The following PLS1 variants were observed in gnomAD, a reference collection of about 807,000 sequenced individuals.
PLS1 encodes plastin-1.
A neutral mutation model predicts 73.7 loss-of-function variants in PLS1; 32 were observed. That is an observed-to-expected ratio of 0.43 (90% confidence interval 0.33 to 0.58). The LOEUF is 0.58. Ranked by LOEUF, PLS1 falls within the 20% of genes least tolerant of loss-of-function variation. PLS1 has a pLI of 0.04. For missense variants in PLS1, 633 were observed against 740.5 expected, an observed-to-expected ratio of 0.85 and a Z score of 1.68; for synonymous variants, 217 against 261.3, an observed-to-expected ratio of 0.83 and a Z score of 1.63.
chr3:142,708,616 G>A (rs1323328352), intron 14 of PLS1, among the ~76,000 whole-genome samples: 2 of 152,038 alleles, frequency 1.3e-5, no homozygotes, highest in Admixed American at 1.3e-4. Flanking sequence ...ATCAAATAGA[G>A]GGAAAAATCA....
intron 7 of PLS1, 31 bp from the exon 8 acceptor site, chr3:142,684,222 A>T: frequency 1.2e-6 from 2 of 1,613,880 alleles, no homozygotes; most frequent in Non-Finnish European, 1.7e-6. Context: ...TTGCTATGGG[A>T]AGAATTTACA....
At chr3:142,645,300 G>C (rs976202148) in intron 1 of PLS1, 1 of 152,076 alleles carries the variant, frequency 6.6e-6, no homozygotes. Context: ...TAATAGGGAA[G>C]GCCAGCGTTG....
intron 1 of PLS1, among the ~76,000 whole-genome samples, chr3:142,629,694 G>T (rs973529608): frequency 5.3e-5 from 8 of 152,198 alleles, no homozygotes; most frequent in Admixed American, 3.9e-4. Context: ...AAACCATGTA[G>T]TAATGTACAG....
intron 6 of PLS1, among the ~76,000 whole-genome samples, chr3:142,679,414 G>C (rs1231513956): frequency 6.6e-6 from 1 of 150,710 alleles, no homozygotes. Context: ...TAGGTCTAAC[G>C]TTTAAGTCTT....
intron 2 of PLS1, among the ~76,000 whole-genome samples, chr3:142,665,015 G>A (rs1403987708): frequency 6.7e-6 from 1 of 150,166 alleles, no homozygotes; most frequent in Admixed American, 6.7e-5. Flanking sequence ...GCAAGTGAAA[G>A]GTGAACCCAG....
chr3:142,610,645 C>T (rs1024509777), intron 1 of PLS1, among the ~76,000 whole-genome samples: 8 of 151,910 alleles, frequency 5.3e-5, no homozygotes, highest in Admixed American at 3.9e-4. Context: ...CTTTTGATGT[C>T]CCCTTTCCCT....
chr3:142,665,161 G>A (rs2037452422), intron 2 of PLS1, among the ~76,000 whole-genome samples: 1 of 151,720 alleles, frequency 6.6e-6, no homozygotes. Flanking sequence ...AGGAGAAAAT[G>A]ATCACCGCTG....
chr3:142,708,785 T>C (rs1440791121), intron 14 of PLS1, among the ~76,000 whole-genome samples: 1 of 152,214 alleles, frequency 6.6e-6, no homozygotes. Flanking sequence ...CCCCTTTCCC[T>C]TTGCAAAAGT....
rs1277049166 is a variant in PLS1 at position 142,698,008 on chromosome 3, G to A, written c.1312G>A (p.Val438Ile). The A allele has an allele frequency of 1.9e-6, 3 of 1,613,718 alleles. No homozygotes were observed. Among genetic ancestry groups the A allele is most frequent in the Admixed American group, 1.7e-5 (1 of 60,016 alleles). Residue 438 changes from valine (V) to isoleucine (I), a missense_variant, in exon 12 of 16, where the codon GTC becomes ATC. Transcript: ENST00000457734. ...FQLYEMIRVP[V>I]NWSHVNKPPY... Reference sequence around the variant, plus strand: ...GCTCTATGAGATGATCCGAGTGCCAGTCAACTGGAGCCATGTCAACAAACC... The same window carrying A: ...GCTCTATGAGATGATCCGAGTGCCAATCAACTGGAGCCATGTCAACAAACC...
chr3:142,713,345 C>T lies in PLS1; in HGVS notation c.*1338C>T, dbSNP rs1933221431. ...TGAGTAGTCTAAATTCCCTTTCTAC[C>T]ATTGATTTAAATATATATATTGGTA... On this transcript the variant is annotated 3_prime_UTR_variant, in exon 16 of 16. Coordinates refer to ENST00000457734, the MANE Select transcript of PLS1 (RefSeq NM_001145319.2). 1 of 152,470 alleles carries T rather than the reference C, an allele frequency of 6.6e-6. No homozygotes were observed. Among genetic ancestry groups the T allele is most frequent in the Non-Finnish European group, 1.5e-5 (1 of 67,986 alleles). The allele number at this position is 152,470 out of a possible 1,614,324, so 9.4% of individuals were successfully genotyped here.
At position 142,704,489 on chromosome 3, in the gene PLS1, T is replaced by G; in HGVS notation, c.1532T>G (p.Leu511Arg). Reference protein sequence around the residue: ...RRYTLNVLSDLGEGEKVNDEI... With the variant: ...RRYTLNVLSDRGEGEKVNDEI... ...TACACATTGAATGTGTTATCGGATC[T>G]TGGAGAGGGTGAAAAAGTAAATGAT... The change falls in exon 14 of 16, where the codon CTT becomes CGT. Residue 511 changes from leucine to arginine, a missense_variant. Physicochemically the swap from Leu to Arg is moderately radical, Grantham distance 102 (BLOSUM62 -2). Coordinates refer to ENST00000457734, the MANE Select transcript of PLS1 (RefSeq NM_001145319.2). 6.2e-7 allele frequency: 1 copy of G among 1,603,094 alleles called. No homozygotes were observed. Among genetic ancestry groups the G allele is most frequent in the Non-Finnish European group, 8.5e-7 (1 of 1,171,178 alleles).
chr3:142,686,180 T>C, intron 8 of PLS1, 104 bp from the exon 9 acceptor site: 2 of 706,034 alleles, frequency 2.8e-6, no homozygotes, highest in South Asian at 3.4e-5. Context: ...GTTATTCCAT[T>C]CTTTGAGATA....
chr3:142,672,858 T>C (rs2037635609), intron 4 of PLS1, among the ~76,000 whole-genome samples: 1 of 152,198 alleles, frequency 6.6e-6, no homozygotes, highest in Admixed American at 6.5e-5. Flanking sequence ...TTGTCATCAC[T>C]ATTTAATTTC....
intron 14 of PLS1, among the ~76,000 whole-genome samples, chr3:142,704,820 T>A (rs958860458): frequency 3.3e-5 from 5 of 150,050 alleles, no homozygotes; most frequent in African/African-American, 1.2e-4. Context: ...GGCTAATTTT[T>A]TTTTTTTTTT....
intron 1 of PLS1, among the ~76,000 whole-genome samples, chr3:142,607,415 T>C (rs911293750): frequency 6.6e-6 from 1 of 152,034 alleles, no homozygotes; most frequent in Non-Finnish European, 1.5e-5. Flanking sequence ...GAGTGGCTGG[T>C]ACAGGCATGT....
At chr3:142,642,698 T>G (rs987770611) in intron 1 of PLS1, among the ~76,000 whole-genome samples, 1 of 152,230 alleles carries the variant, frequency 6.6e-6, no homozygotes, top group Non-Finnish European at 1.5e-5. Flanking sequence ...ATTGTTATTT[T>G]AATTTTCATT....
intron 4 of PLS1, chr3:142,673,629 G>C (rs889851584): frequency 6.6e-6 from 1 of 152,184 alleles, no homozygotes; most frequent in Admixed American, 6.5e-5. Context: ...TGCGACATCT[G>C]TCACCCCATT....
At chr3:142,644,645 T>C (rs1257777977) in intron 1 of PLS1, among the ~76,000 whole-genome samples, 2 of 152,228 alleles carry the variant, frequency 1.3e-5, no homozygotes, top group Non-Finnish European at 2.9e-5. Context: ...AAGCATATAA[T>C]TTTACCCCTC....
intron 9 of PLS1, among the ~76,000 whole-genome samples, chr3:142,687,087 C>T (rs755338330): frequency 4.5e-4 from 68 of 152,122 alleles, no homozygotes; most frequent in Admixed American, 3.1e-3. Flanking sequence ...ATTCTTTTAG[C>T]ATAAGTTATA....
Sources: gnomAD v4.1 joint callset for allele counts (sites outside exome capture counted in the v4.1 genomes callset) on GRCh38, gnomAD v4.1.1 for gene constraint, MANE v1.5 for transcripts, NCBI Gene and HGNC (gene_info 2026-07-23, HGNC 2026-07-21) for gene names.